The following ABCA9 variants were observed in gnomAD, a reference collection of about 807,000 sequenced individuals.
The protein encoded by ABCA9 is ATP binding cassette subfamily A member 9, also known as ATP-binding cassette sub-family A member 9.
In ABCA9, 183 loss-of-function variants were observed where a neutral mutation model predicts 205.3. The observed-to-expected ratio is 0.89, with a 90% confidence interval of 0.79 to 1.01. The LOEUF is 1.01. Ranked by LOEUF, ABCA9 falls within the 50% of genes least tolerant of loss-of-function variation. The pLI is 0.00. For missense variants in ABCA9, 1,805 were observed against 1,912.4 expected, an observed-to-expected ratio of 0.94 and a Z score of 1.05; for synonymous variants, 651 against 683.3, an observed-to-expected ratio of 0.95 and a Z score of 0.74.
intron 1 of ABCA9, among the ~76,000 whole-genome samples, chr17:69,055,801 AT>A (rs1394445957): frequency 6.6e-6 from 1 of 152,204 alleles, no homozygotes; most frequent in African/African-American, 2.4e-5. Flanking sequence ...AGGAATAGAA[AT>A]CATACAATGC....
intron 4 of ABCA9, 129 bp from the exon 5 acceptor site, chr17:69,044,729 G>T: frequency 2.8e-6 from 2 of 716,824 alleles, no homozygotes; most frequent in Non-Finnish European, 4.5e-6. Flanking sequence ...TCTCAGTTGA[G>T]AGTTGCAGAG....
At chr17:69,017,544 C>A in intron 21 of ABCA9, 112 bp downstream of exon 21, 1 of 1,169,988 alleles carries the variant, frequency 8.5e-7, no homozygotes, top group Non-Finnish European at 1.2e-6. Flanking sequence ...AAAATGAGAA[C>A]TATCCCATTT....
intron 37 of ABCA9, among the ~76,000 whole-genome samples, chr17:68,979,875 C>G (rs923289029): frequency 2.0e-5 from 3 of 152,108 alleles, no homozygotes; most frequent in African/African-American, 7.2e-5. Flanking sequence ...CAGGCAGGGG[C>G]AAGGACTTCA....
Position 69,045,240 on chromosome 17 carries a change from A to C in ABCA9, c.401T>G (p.Phe134Cys). 6.2e-7 allele frequency: 1 copy of C among 1,613,044 alleles called. No homozygotes were observed. The highest frequency in any genetic ancestry group is 1.3e-5 in the African/African-American group (1 of 74,808). Reference sequence around the variant, plus strand: ...CCAAGAAAACTTCAAATGGTAGGAGAAGGTATCAGTAAAGATGACTCTCAC... The same window carrying C: ...CCAAGAAAACTTCAAATGGTAGGAGCAGGTATCAGTAAAGATGACTCTCAC... ...DAVRVIFTDT[F>C]SYHLKFSWGH... The change falls in exon 4 of 39, where the codon TTC becomes TGC. Residue 134 changes from phenylalanine (F) to cysteine (C), a missense_variant. By Grantham distance (205) the Phe-to-Cys change is radical. Coordinates refer to ENST00000340001, the MANE Select transcript of ABCA9 (RefSeq NM_080283.4).
In ABCA9 at chr17:69,045,100, G is replaced by A. The variant is rs945161993; in HGVS notation, c.469+72C>T. The A allele has an allele frequency of 6.9e-5, 88 of 1,279,020 alleles. No individual in the cohort carries two copies. The Middle Eastern group carries it at 9.6e-4, about 14-fold the overall frequency. The allele number at this position is 1,279,020 out of a possible 1,614,324, so 79.2% of individuals were successfully genotyped here. ...TATATGTTTGTGTAGTTTCACCTCT[G>A]CTATCAGGTATGCCCCCTTTGTGGC... On this transcript the variant is annotated intron_variant, in intron 4 of 38. Transcript: ENST00000340001.
chr17:69,001,045 T>C (rs1382627747), intron 25 of ABCA9, among the ~76,000 whole-genome samples: 2 of 152,112 alleles, frequency 1.3e-5, no homozygotes, highest in Non-Finnish European at 2.9e-5. Context: ...TTTCTAGATA[T>C]ACAATCATGT....
chr17:69,037,122 T>G (rs1490098614), intron 6 of ABCA9, among the ~76,000 whole-genome samples: 1 of 152,044 alleles, frequency 6.6e-6, no homozygotes, highest in Non-Finnish European at 1.5e-5. Flanking sequence ...AATGGGAGAC[T>G]TTAACACCCC....
chr17:69,003,696 A>C (rs1289764589), intron 25 of ABCA9, among the ~76,000 whole-genome samples: 1 of 151,342 alleles, frequency 6.6e-6, no homozygotes, highest in Non-Finnish European at 1.5e-5. Context: ...TCTCCTGGAT[A>C]CTATCCTGCA....
At chr17:69,037,335 T>C (rs541857611) in intron 6 of ABCA9, among the ~76,000 whole-genome samples, 77 of 152,142 alleles carry the variant, frequency 5.1e-4, no homozygotes, top group African/African-American at 1.8e-3. Flanking sequence ...CCTCAGAAAA[T>C]GCAAAAGAAC....
At position 69,043,612 on chromosome 17, in the gene ABCA9, A is replaced by C; in HGVS notation, c.677T>G (p.Phe226Cys). 6.2e-7 allele frequency: 1 copy of C among 1,613,762 alleles called. No homozygotes were observed. Among genetic ancestry groups the C allele is most frequent in the South Asian group, 1.1e-5 (1 of 91,028 alleles). ...VAQGGVATDF[F>C]IFFCIISFST... ...AAAAGAAATAATGCAAAAGAAAATG[A>C]AAAAATCAGTTGCAACTCCTCCTTG... Residue 226 changes from phenylalanine to cysteine, a missense_variant, in exon 6 of 39, where the codon TTC becomes TGC. Physicochemically the swap from Phe to Cys is radical, Grantham distance 205. Coordinates refer to ENST00000340001, the MANE Select transcript of ABCA9 (RefSeq NM_080283.4).
chr17:69,014,232 A>G (rs2070493487), intron 22 of ABCA9, among the ~76,000 whole-genome samples: 1 of 152,158 alleles, frequency 6.6e-6, no homozygotes, highest in Non-Finnish European at 1.5e-5. Flanking sequence ...ACATGACACT[A>G]CAAGTGGAAA....
intron 25 of ABCA9, among the ~76,000 whole-genome samples, chr17:69,002,688 CGTT>C (rs1189512353): frequency 4.0e-5 from 6 of 148,738 alleles, no homozygotes; most frequent in African/African-American, 1.5e-4. Context: ...CTTTCTGTCT[CGTT>C]GATCTGTCTA....
At chr17:69,059,312 A>G (rs970474139) in intron 1 of ABCA9, among the ~76,000 whole-genome samples, 3 of 152,210 alleles carry the variant, frequency 2.0e-5, no homozygotes, top group East Asian at 1.9e-4. Context: ...GTTGCTAATC[A>G]GCTGACTTTG....
intron 2 of ABCA9, among the ~76,000 whole-genome samples, chr17:69,050,422 T>C (rs1231719868): frequency 6.6e-6 from 1 of 152,076 alleles, no homozygotes; most frequent in African/African-American, 2.4e-5. Context: ...ATGAGTATTC[T>C]ATGGGTGATT....
At chr17:68,992,813 CAA>C (rs151237505) in intron 27 of ABCA9, 394 of 294,208 alleles carry the variant, frequency 1.3e-3, no homozygotes, top group East Asian at 2.4e-3. Flanking sequence ...AACTCTGTCT[CAA>C]AAAAAAAAAA....
At chr17:69,015,649 G>C (rs1000240268) in intron 22 of ABCA9, among the ~76,000 whole-genome samples, 3 of 152,094 alleles carry the variant, frequency 2.0e-5, no homozygotes, top group African/African-American at 7.2e-5. Flanking sequence ...CCTATTTTAG[G>C]TGCCTCATCA....
chr17:69,067,816 T>C, the ABCA9 span, among the ~76,000 whole-genome samples: 1 of 152,194 alleles, frequency 6.6e-6, no homozygotes, highest in African/African-American at 2.4e-5. Flanking sequence ...CTCACAGAGC[T>C]CACTGGGTTT....
Position 69,044,533 on chromosome 17 carries a change from T to C in ABCA9, c.537A>G (p.Val179=). The C allele has an allele frequency of 6.2e-7, 1 of 1,613,232 alleles. No homozygotes were observed. The highest frequency in any genetic ancestry group is 1.3e-5 in the African/African-American group (1 of 75,018). Residue 179 remains valine (V), a synonymous_variant, in exon 5 of 39, where the codon GTA becomes GTG. Coordinates refer to ENST00000340001, the MANE Select transcript of ABCA9 (RefSeq NM_080283.4). ...EGSEFWEKGF[V]AFQAAINAAI... ...CAGCATTAATGGCAGCTTGAAAAGC[T>C]ACAAAGCCTTTCTCCCAGAACTCTG...
At chr17:69,061,519 T>C (rs930865294), upstream of ABCA9, among the ~76,000 whole-genome samples, 1 of 152,202 alleles carries the variant, frequency 6.6e-6, no homozygotes, top group African/African-American at 2.4e-5. Context: ...ATTGTGTGCA[T>C]ACTAATTGTA....
Sources: allele counts gnomAD v4.1 joint callset (sites outside exome capture counted in the v4.1 genomes callset), GRCh38; gene constraint gnomAD v4.1.1; transcripts MANE v1.5; gene names NCBI Gene and HGNC (gene_info 2026-07-23, HGNC 2026-07-21).